HDDC2: variants seen among roughly 807,000 people sequenced by gnomAD.
HDDC2 encodes HD domain containing 2.
HDDC2 carries 25 observed loss-of-function variants against 25.5 expected under a neutral mutation model. The ratio of observed to expected loss-of-function variants is 0.98; its 90% confidence interval spans 0.72 to 1.37. The LOEUF (loss-of-function observed/expected upper bound fraction) is 1.37, where lower values mean the gene tolerates loss of function less well. Ranked by LOEUF, HDDC2 falls within the 40% of genes most tolerant of loss-of-function variation. The probability of loss-of-function intolerance (pLI) is 0.00; values close to 1 mark genes in which losing one functional copy is unlikely to be tolerated. For synonymous variants in HDDC2, 106 were observed against 89.7 expected (o/e 1.18, Z -1.03); for missense variants, 264 against 253.1 (o/e 1.04, Z -0.29).
rs544448288 is a variant in HDDC2, at chr6:125,277,103, T to C, written c.516A>G (p.Ala172=). ...CTTGTTGAAAATGGTGTTGAGTACC[T>C]GCTGTGGAATCATAGAAGTCTTGCA... is the stretch of plus-strand genomic sequence containing the variant. ...GRLQDFYDST[A]GKFNHPEIVQ... is the part of the protein sequence containing the mutation. The change falls in exon 5 of 6, where the codon GCA becomes GCG. Residue 172 remains alanine (A), a splice_region_variant and synonymous_variant. Transcript: ENST00000398153. 9.9e-6 allele frequency: 16 copies of C among 1,614,030 alleles called. No individual in the cohort carries two copies. The Middle Eastern group carries it at 4.9e-4, about 50-fold the overall frequency.
chr6:125,275,850 A>C lies in HDDC2; in HGVS notation c.*296T>G, dbSNP rs1798358942. ...ATATCGGTAATTAAGTCAGAATAAG[A>C]TGATTTTAAATCTCCAATAAATATT... is the stretch of plus-strand genomic sequence containing the variant. On this transcript the variant is annotated 3_prime_UTR_variant, in exon 6 of 6. Transcript: ENST00000398153. 1 of 324,144 alleles carries C rather than the reference A, an allele frequency of 3.1e-6. No individual in the cohort carries two copies. The highest frequency in any genetic ancestry group is 5.6e-6 in the Non-Finnish European group (1 of 179,436). 20.1% of individuals were successfully genotyped at this position (324,144 alleles called of 1,614,324 possible).
At chr6:125,298,541 G>A in intron 3 of HDDC2, 173 bp downstream of exon 3, 1 of 613,396 alleles carries the variant, frequency 1.6e-6, no homozygotes, top group East Asian at 2.7e-5. Flanking sequence ...ATATTCTCCA[G>A]CCCAGGCCCT....
intron 5 of HDDC2, chr6:125,276,857 T>C: frequency 2.0e-6 from 1 of 508,142 alleles, no homozygotes; most frequent in Non-Finnish European, 3.5e-6. Context: ...CCAACATCTC[T>C]TCTCTCACCG....
intron 4 of HDDC2, among the ~76,000 whole-genome samples, chr6:125,286,432 G>C (rs1042622753): frequency 1.2e-4 from 19 of 152,212 alleles, no homozygotes; most frequent in African/African-American, 4.6e-4. Context: ...GTCATTCTGA[G>C]ACTGCTTCAT....
At chr6:125,284,269 T>TA (rs1210179219) in intron 4 of HDDC2, among the ~76,000 whole-genome samples, 1 of 152,164 alleles carries the variant, frequency 6.6e-6, no homozygotes, top group Non-Finnish European at 1.5e-5. Context: ...ACTTCATGAC[T>TA]AAAATACCAA....
chr6:125,290,505 TA>T (rs1295236806), intron 4 of HDDC2, among the ~76,000 whole-genome samples: 1 of 152,166 alleles, frequency 6.6e-6, no homozygotes, highest in East Asian at 1.9e-4. Context: ...CTACAACCTG[TA>T]AATGTGACCT....
intron 3 of HDDC2, among the ~76,000 whole-genome samples, chr6:125,295,089 T>A (rs1009850368): frequency 1.3e-5 from 2 of 152,212 alleles, no homozygotes; most frequent in African/African-American, 2.4e-5. Flanking sequence ...TTGAACCCTC[T>A]GAAATCAACA....
intron 3 of HDDC2, among the ~76,000 whole-genome samples, chr6:125,294,710 A>G (rs1480496425): frequency 6.6e-6 from 1 of 152,190 alleles, no homozygotes; most frequent in African/African-American, 2.4e-5. Flanking sequence ...TCTCTTTAAA[A>G]TGACACACCT....
intron 4 of HDDC2, among the ~76,000 whole-genome samples, chr6:125,281,973 G>A (rs1459505003): frequency 3.3e-5 from 5 of 152,128 alleles, no homozygotes; most frequent in Non-Finnish European, 7.4e-5. Flanking sequence ...ACCCACAAAG[G>A]GAAGCCCATC....
At chr6:125,281,913 T>C (rs978840086) in intron 4 of HDDC2, among the ~76,000 whole-genome samples, 2 of 151,458 alleles carry the variant, frequency 1.3e-5, no homozygotes, top group South Asian at 2.1e-4. Flanking sequence ...TTCACCAAGG[T>C]AGAAATAGAG....
At position 125,300,599 on chromosome 6, in the gene HDDC2, G is replaced by A; in HGVS notation, c.145C>T (p.His49Tyr). The change falls in exon 2 of 6, where the codon CAC becomes TAC. Residue 49 changes from histidine (H) to tyrosine (Y), a missense_variant. Coordinates refer to ENST00000398153, the MANE Select transcript of HDDC2 (RefSeq NM_016063.3). ...GCCATAACTGCCATCCGGTACATGT[G>A]ATCTGAAACGCTCTCCGGCCTCTGG... The part of the protein sequence containing the change: ...NVQRPESVSD[H>Y]MYRMAVMAMV... 1 of 1,614,084 alleles carries A rather than the reference G, an allele frequency of 6.2e-7. No homozygotes were observed. The highest frequency in any genetic ancestry group is 1.1e-5 in the South Asian group (1 of 91,078).
chr6:125,289,754 T>C (rs1798602517), intron 4 of HDDC2, among the ~76,000 whole-genome samples: 1 of 152,172 alleles, frequency 6.6e-6, no homozygotes, highest in African/African-American at 2.4e-5. Context: ...GTATCTCCAA[T>C]TGACTGAACT....
chr6:125,301,707 G>A, intron 1 of HDDC2, 142 bp downstream of exon 1: 3 of 609,176 alleles, frequency 4.9e-6, no homozygotes, highest in Non-Finnish European at 5.4e-6. Context: ...GCATCCGCAG[G>A]ACTGGGGCCT....
intron 4 of HDDC2, 34 bp from the exon 5 acceptor site, chr6:125,277,274 G>C: frequency 6.2e-7 from 1 of 1,609,456 alleles, no homozygotes; most frequent in Non-Finnish European, 8.5e-7. Context: ...AGCATGATTA[G>C]CGCTGCATAA....
intron 2 of HDDC2, among the ~76,000 whole-genome samples, chr6:125,299,240 G>A (rs1332849394): frequency 6.6e-6 from 1 of 152,106 alleles, no homozygotes; most frequent in African/African-American, 2.4e-5. Flanking sequence ...AAAATTAGCT[G>A]GGTGTGGTGG....
intron 4 of HDDC2, 194 bp from the exon 5 acceptor site, chr6:125,277,434 A>T: frequency 1.1e-5 from 6 of 524,570 alleles, no homozygotes. Context: ...ACTCTATACA[A>T]GAAAGATGTG....
At chr6:125,279,512 T>G (rs759848412) in intron 4 of HDDC2, 7 of 152,066 alleles carry the variant, frequency 4.6e-5, no homozygotes, top group Non-Finnish European at 7.4e-5. Flanking sequence ...AGCAGCTCTG[T>G]GAAGTTAAAA....
In HDDC2 at chr6:125,301,955, C is replaced by T. The variant is rs1470917173; in HGVS notation, c.-23G>A. 6.5e-7 allele frequency: 1 copy of T among 1,538,002 alleles called. No individual in the cohort carries two copies. On this transcript the variant is annotated 5_prime_UTR_variant, in exon 1 of 6. Coordinates refer to ENST00000398153, the MANE Select transcript of HDDC2 (RefSeq NM_016063.3). ...CATGCGGCCACCGACCCCGGCTGGGCGGAGCAGGCCGCGGCGAAGCTCCTC... is the reference window on the plus strand; with the variant it reads ...CATGCGGCCACCGACCCCGGCTGGGTGGAGCAGGCCGCGGCGAAGCTCCTC...
chr6:125,297,681 A>G (rs573117097), intron 3 of HDDC2: 2 of 396,472 alleles, frequency 5.0e-6, no homozygotes, highest in South Asian at 2.6e-4. Flanking sequence ...AACCATCTCA[A>G]TAAAGACTCC....
Sources: gnomAD v4.1 joint callset for allele counts (sites outside exome capture counted in the v4.1 genomes callset) on GRCh38, gnomAD v4.1.1 for gene constraint, MANE v1.5 for transcripts, NCBI Gene and HGNC (gene_info 2026-07-23, HGNC 2026-07-21) for gene names.